Variants in IL33 observed in about 807,000 individuals in gnomAD.
The protein encoded by IL33 is interleukin 33.
IL33 carries 37 observed loss-of-function variants against 27.3 expected under a neutral mutation model. That is an observed-to-expected ratio of 1.36 (90% CI 1.04 to 1.78). The LOEUF (loss-of-function observed/expected upper bound fraction) is 1.78, where lower values mean the gene tolerates loss of function less well. Ranked by LOEUF, IL33 falls within the 40% of genes most tolerant of loss-of-function variation. The pLI, the probability that IL33 is intolerant of heterozygous loss-of-function variation, is 0.00. For missense variants in IL33, 406 were observed against 311.4 expected (o/e 1.30, Z -2.29); for synonymous variants, 132 against 102.9 (o/e 1.28, Z -1.71).
chr9:6,244,684 G>A (rs1819722822), intron 2 of IL33, among the ~76,000 whole-genome samples: 1 of 152,094 alleles, frequency 6.6e-6, no homozygotes, highest in African/African-American at 2.4e-5. Context: ...AAACAATCCT[G>A]GTGAAAAATT....
intron 2 of IL33, among the ~76,000 whole-genome samples, chr9:6,245,906 AC>A (rs1819811117): frequency 6.6e-6 from 1 of 151,626 alleles, no homozygotes; most frequent in East Asian, 2.0e-4. Context: ...ACTAAAAAAT[AC>A]AAAAAATTGC....
chr9:6,255,908 G>A (rs1316376876), intron 7 of IL33, 60 bp from the exon 8 acceptor site: 9 of 1,367,882 alleles, frequency 6.6e-6, no homozygotes, highest in Admixed American at 1.7e-5. Context: ...ATACAGGCAG[G>A]TAAAGTTGAC....
At chr9:6,235,270 C>T (rs1262536120) in intron 1 of IL33, among the ~76,000 whole-genome samples, 1 of 152,128 alleles carries the variant, frequency 6.6e-6, no homozygotes, top group Non-Finnish European at 1.5e-5. Context: ...GTCTTGAACT[C>T]CTGGCCTCAA....
chr9:6,216,172 G>A (rs1009032240), intron 1 of IL33, among the ~76,000 whole-genome samples: 7 of 151,954 alleles, frequency 4.6e-5, no homozygotes, highest in South Asian at 2.1e-4. Context: ...GCTCTGTAGC[G>A]CAGGCTGGAG....
intron 1 of IL33, among the ~76,000 whole-genome samples, chr9:6,234,745 TC>T (rs1467756827): frequency 1.9e-5 from 2 of 104,232 alleles, no homozygotes; most frequent in Non-Finnish European, 4.3e-5. Flanking sequence ...AACTATTCAT[TC>T]TTTTTGCCTC....
Position 6,256,521 on chromosome 9 carries a change from A to G in IL33, c.*353A>G, listed in dbSNP as rs1816741735. On this transcript the variant is annotated 3_prime_UTR_variant, in exon 8 of 8. Transcript: ENST00000682010. ...GCCACTGAGGAAAGAGCCATAGCTT[A>G]AGTCTCTATGTAGACAGGGATCCAT... 2.5e-6 allele frequency: 1 copy of G among 392,492 alleles called. No individual in the cohort carries two copies. Among genetic ancestry groups the G allele is most frequent in the African/African-American group, 2.1e-5 (1 of 48,292 alleles). 24.3% of individuals were successfully genotyped at this position (392,492 alleles called of 1,614,324 possible). A position where few individuals can be genotyped will look rare whatever the true frequency, so the allele number is the denominator to read the frequency against.
At chr9:6,234,210 C>CA (rs2130232860) in intron 1 of IL33, among the ~76,000 whole-genome samples, 2 of 152,370 alleles carry the variant, frequency 1.3e-5, no homozygotes, top group African/African-American at 4.8e-5. Context: ...AATAAACTAT[C>CA]ATGCCTTCAC....
intron 1 of IL33, among the ~76,000 whole-genome samples, chr9:6,238,320 AG>A (rs1161296932): frequency 6.6e-6 from 1 of 152,228 alleles, no homozygotes; most frequent in Non-Finnish European, 1.5e-5. Flanking sequence ...TGACCAAAAA[AG>A]GTAGGAGAAT....
At chr9:6,247,894 C>T (rs1003352243) in intron 2 of IL33, among the ~76,000 whole-genome samples, 1 of 151,840 alleles carries the variant, frequency 6.6e-6, no homozygotes, top group Non-Finnish European at 1.5e-5. Flanking sequence ...AGATGCTAGC[C>T]CCCACATGTA....
At chr9:6,215,934 T>C (rs1818119468) in intron 1 of IL33, 82 bp downstream of exon 1, 1 of 151,974 alleles carries the variant, frequency 6.6e-6, no homozygotes, top group Non-Finnish European at 1.5e-5. Flanking sequence ...GTGTTTTTTT[T>C]TTTTTCCTGA....
chr9:6,245,616 G>A (rs1023533493), intron 2 of IL33, among the ~76,000 whole-genome samples: 1 of 152,192 alleles, frequency 6.6e-6, no homozygotes, highest in African/African-American at 2.4e-5. Flanking sequence ...AGGGACTAAT[G>A]ATGAAGGTGT....
chr9:6,225,711 T>C (rs1432403456), intron 1 of IL33, among the ~76,000 whole-genome samples: 1 of 152,132 alleles, frequency 6.6e-6, no homozygotes, highest in African/African-American at 2.4e-5. Context: ...TGACTGACAT[T>C]ACAATCTTCT....
chr9:6,249,093 T>A (rs1816181595), intron 2 of IL33, among the ~76,000 whole-genome samples: 1 of 152,210 alleles, frequency 6.6e-6, no homozygotes. Flanking sequence ...TTGATATTTC[T>A]GCATTAAGAA....
intron 7 of IL33, among the ~76,000 whole-genome samples, chr9:6,255,724 T>G (rs1354520449): frequency 6.6e-6 from 1 of 152,014 alleles, no homozygotes; most frequent in Admixed American, 6.6e-5. Context: ...TGCATCCAGA[T>G]CCAATCACCC....
chr9:6,231,554 C>T (rs918352428), intron 1 of IL33, among the ~76,000 whole-genome samples: 11 of 152,140 alleles, frequency 7.2e-5, no homozygotes, highest in African/African-American at 2.4e-4. Flanking sequence ...TTTACCAGTC[C>T]AATTCTTTTT....
chr9:6,224,506 T>G (rs922408998), intron 1 of IL33, among the ~76,000 whole-genome samples: 7 of 152,174 alleles, frequency 4.6e-5, no homozygotes, highest in Non-Finnish European at 8.8e-5. Flanking sequence ...CCCAAAGAAC[T>G]ATTCTTGTTA....
chr9:6,245,533 T>C (rs557159752), intron 2 of IL33, among the ~76,000 whole-genome samples: 5 of 152,264 alleles, frequency 3.3e-5, no homozygotes, highest in African/African-American at 9.6e-5. Context: ...AGTGTGATGA[T>C]AGTAGTGTGA....
intron 1 of IL33, among the ~76,000 whole-genome samples, chr9:6,224,568 T>C (rs1258644594): frequency 6.6e-6 from 1 of 152,208 alleles, no homozygotes; most frequent in African/African-American, 2.4e-5. Flanking sequence ...ATCTGGGTAC[T>C]ATTCCCAGAA....
At position 6,257,258 on chromosome 9, in the gene IL33, T is replaced by G. The variant is rs1816790571; in HGVS notation, c.*1090T>G. 6.6e-6 allele frequency: 1 copy of G among 152,202 alleles called. No homozygotes were observed. The highest frequency in any genetic ancestry group is 1.5e-5 in the Non-Finnish European group (1 of 68,034). The allele number at this position is 152,202 out of a possible 1,614,324, so 9.4% of individuals were successfully genotyped here. ...TCCTTATTTCCCATGTGCACAAGTCTTTTTGTATTCCAGCTTCCTGATAAC... is the reference window on the plus strand; with the variant it reads ...TCCTTATTTCCCATGTGCACAAGTCGTTTTGTATTCCAGCTTCCTGATAAC... On this transcript the variant is annotated 3_prime_UTR_variant, in exon 8 of 8. Transcript: ENST00000682010.
Sources: allele counts gnomAD v4.1 joint callset (sites outside exome capture counted in the v4.1 genomes callset), GRCh38; gene constraint gnomAD v4.1.1; transcripts MANE v1.5; gene names NCBI Gene and HGNC (gene_info 2026-07-23, HGNC 2026-07-21).